The following CCDC191 variants were observed in gnomAD, a reference collection of about 807,000 sequenced individuals.
CCDC191 encodes the protein coiled-coil domain containing 191.
Under a neutral mutation model 114.0 loss-of-function variants are expected in CCDC191, and 99 were observed. That is an observed-to-expected ratio of 0.87 (90% CI 0.74 to 1.03). The LOEUF is 1.03. Ranked by LOEUF, CCDC191 falls within the 50% of genes least tolerant of loss-of-function variation. CCDC191 has a pLI of 0.00. For missense variants in CCDC191, 973 were observed against 1,087.0 expected, an observed-to-expected ratio of 0.90 and a Z score of 1.47; for synonymous variants, 351 against 376.0, an observed-to-expected ratio of 0.93 and a Z score of 0.77.
chr3:113,969,656 G>A (rs1940600457), intron 16 of CCDC191, among the ~76,000 whole-genome samples: 1 of 152,132 alleles, frequency 6.6e-6, no homozygotes, highest in South Asian at 2.1e-4. Flanking sequence ...TGAGTTGGTT[G>A]TAAATGTGTG....
chr3:113,989,442 A>G lies in CCDC191; in HGVS notation c.2164-8649T>C, dbSNP rs192038106. Among the ~76,000 whole-genome samples, 139 of 152,310 alleles carry G rather than the reference A, an allele frequency of 9.1e-4. 2 individuals are homozygous for G. The highest frequency in any genetic ancestry group is 2.4e-4 in the Non-Finnish European group (16 of 68,020). On this transcript the variant is annotated intron_variant, in intron 13 of 16. Transcript: ENST00000295878. ...AAGCAAAACTTTACAATTTCATGCAATGTACATTCTTGGAACATAAGGAAC... is the reference window on the plus strand; with the variant it reads ...AAGCAAAACTTTACAATTTCATGCAGTGTACATTCTTGGAACATAAGGAAC...
In CCDC191 at chr3:113,996,544, A is replaced by G. The variant is rs535520893; in HGVS notation, c.2163+5051T>C. Reference sequence around the variant, plus strand: ...GTATAGTTTGAAGTCAAATAGGATGATGCCTCCAGCTAAAGACTCATGCGC... The same window carrying G: ...GTATAGTTTGAAGTCAAATAGGATGGTGCCTCCAGCTAAAGACTCATGCGC... On this transcript the variant is annotated intron_variant, in intron 13 of 16. Coordinates refer to ENST00000295878, the MANE Select transcript of CCDC191 (RefSeq NM_020817.2). 7.9e-5 allele frequency among the ~76,000 whole-genome samples: 12 copies of G among 152,282 alleles called. No individual in the cohort carries two copies. In the East Asian group the frequency reaches 2.3e-3, roughly 29 times the overall value.
intron 3 of CCDC191, among the ~76,000 whole-genome samples, chr3:114,043,403 G>A (rs72958611): frequency 0.017 from 2,590 of 152,294 alleles, 60 homozygotes; most frequent in East Asian, 0.079. Context: ...TTGCCCCCCA[G>A]TGGACTTATG....
At chr3:114,048,747 C>A (rs2076663236) in intron 2 of CCDC191, among the ~76,000 whole-genome samples, 1 of 152,196 alleles carries the variant, frequency 6.6e-6, no homozygotes, top group Non-Finnish European at 1.5e-5. Flanking sequence ...ATAGTACTTA[C>A]CATCTTATCG....
intron 13 of CCDC191, among the ~76,000 whole-genome samples, chr3:113,997,943 G>A (rs1577381835): frequency 6.6e-6 from 1 of 151,562 alleles, no homozygotes; most frequent in East Asian, 1.9e-4. Context: ...ATAATTATGT[G>A]AACTACATAA....
At chr3:113,967,104 A>G (rs1232632568) in intron 16 of CCDC191, among the ~76,000 whole-genome samples, 2 of 64,508 alleles carry the variant, frequency 3.1e-5, no homozygotes, top group East Asian at 1.1e-3. Context: ...TGTCTCAAAA[A>G]AAGAAAAAAA....
At chr3:113,976,615 T>TAATA (rs1941370065) in intron 16 of CCDC191, among the ~76,000 whole-genome samples, 1 of 149,788 alleles carries the variant, frequency 6.7e-6, no homozygotes, top group Admixed American at 6.7e-5. Flanking sequence ...TGTTTAATAA[T>TAATA]AATATATTCA....
chr3:114,044,790 CAAAT>C (rs746127848), intron 3 of CCDC191, among the ~76,000 whole-genome samples: 4 of 152,222 alleles, frequency 2.6e-5, no homozygotes, highest in East Asian at 3.9e-4. Context: ...CCCCCAAAAA[CAAAT>C]AAAACTTCCC....
At chr3:113,981,915 G>A (rs1454699738) in intron 13 of CCDC191, among the ~76,000 whole-genome samples, 4 of 152,298 alleles carry the variant, frequency 2.6e-5, no homozygotes, top group Admixed American at 6.5e-5. Flanking sequence ...GAAATGGCCA[G>A]AGAGAAAATT....
At chr3:114,034,776 ATTAG>A (rs2076457574) in intron 6 of CCDC191, 145 bp downstream of exon 6, 7 of 692,462 alleles carry the variant, frequency 1.0e-5, no homozygotes, top group Admixed American at 5.1e-5. Context: ...GAAATATGAA[ATTAG>A]TTAATTTGTT....
chr3:114,041,427 G>A (rs1009017115), intron 4 of CCDC191, among the ~76,000 whole-genome samples: 2 of 152,140 alleles, frequency 1.3e-5, no homozygotes, highest in East Asian at 1.9e-4. Context: ...AGGGTAAAAC[G>A]TTACTGAAGA....
intron 16 of CCDC191, among the ~76,000 whole-genome samples, chr3:113,967,496 C>CT (rs1940327074): frequency 1.3e-5 from 2 of 152,060 alleles, no homozygotes; most frequent in African/African-American, 4.8e-5. Flanking sequence ...CTATAGCTAT[C>CT]TTTTTATAAT....
At chr3:114,001,905 G>A in intron 12 of CCDC191, 1 of 559,906 alleles carries the variant, frequency 1.8e-6, no homozygotes, top group South Asian at 2.4e-5. Flanking sequence ...TTCTACTTGG[G>A]AAGGTAAGAC....
In CCDC191 at chr3:114,036,603, C is replaced by T. The variant is rs768047432; in HGVS notation, c.594+5G>A. On this transcript the variant is annotated splice_donor_5th_base_variant and intron_variant, in intron 5 of 16. Transcript: ENST00000295878. ...ATCCATTTTAATTTTGTTTTTCCCT[C>T]CCACCTGCTTATGTCTCATCTCCAT... is the stretch of plus-strand genomic sequence containing the variant. 2 of 1,572,000 alleles carry T rather than the reference C, an allele frequency of 1.3e-6. No homozygotes were observed. Among genetic ancestry groups the T allele is most frequent in the South Asian group, 1.2e-5 (1 of 83,746 alleles).
rs766497034 is a variant in CCDC191, at chr3:114,031,822, T to A, written c.819-43A>T. The A allele has an allele frequency of 3.3e-6, 3 of 899,198 alleles. No homozygotes were observed. The African/African-American group carries it at 5.1e-5, about 15-fold the overall frequency. The allele number at this position is 899,198 out of a possible 1,614,324, so 55.7% of individuals were successfully genotyped here. On this transcript the variant is annotated intron_variant, in intron 6 of 16. Coordinates refer to ENST00000295878, the MANE Select transcript of CCDC191 (RefSeq NM_020817.2). ...AAAATACATGTATATTTACAATAGATTTAAAAATGAGCAATTACAACCTAC... is the reference window on the plus strand; with the variant it reads ...AAAATACATGTATATTTACAATAGAATTAAAAATGAGCAATTACAACCTAC...
intron 13 of CCDC191, among the ~76,000 whole-genome samples, chr3:113,983,739 T>C (rs945667792): frequency 6.6e-6 from 1 of 152,266 alleles, no homozygotes; most frequent in Non-Finnish European, 1.5e-5. Context: ...TGTGCAAATA[T>C]GCTTGATAAG....
rs533035118 is a variant in CCDC191 at position 114,000,656 on chromosome 3, T to TC, written c.2163+938dup. 1.8e-4 allele frequency among the ~76,000 whole-genome samples: 27 copies of TC among 151,820 alleles called. No homozygotes were observed. In the East Asian group the frequency reaches 5.2e-3, roughly 29 times the overall value. On this transcript the variant is annotated intron_variant, in intron 13 of 16. Transcript: ENST00000295878. ...ATGACTTTCTTGATCTCTCTCTCTC[T>TC]CTTTTTTTTTCTTAGAGATGGTCTT...
At chr3:114,020,687 T>C (rs2076230704) in intron 7 of CCDC191, among the ~76,000 whole-genome samples, 1 of 152,182 alleles carries the variant, frequency 6.6e-6, no homozygotes, top group African/African-American at 2.4e-5. Context: ...TTGTGTGCCA[T>C]GGTTGAAAGA....
intron 2 of CCDC191, chr3:114,046,970 G>T: frequency 1.0e-6 from 1 of 957,702 alleles, no homozygotes; most frequent in Non-Finnish European, 1.2e-6. Flanking sequence ...TCACAATTTT[G>T]ATATTTGAAT....
Sources: allele counts gnomAD v4.1 joint callset (sites outside exome capture counted in the v4.1 genomes callset), GRCh38; gene constraint gnomAD v4.1.1; transcripts MANE v1.5; gene names NCBI Gene and HGNC (gene_info 2026-07-23, HGNC 2026-07-21).